ARHGAP32: variants seen among roughly 807,000 people sequenced by gnomAD.
The protein encoded by ARHGAP32 is rho GTPase-activating protein 32.
In ARHGAP32, 51 loss-of-function variants were observed where a neutral mutation model predicts 186.5. That is an observed-to-expected ratio of 0.27 (90% CI 0.22 to 0.35). ARHGAP32 has a LOEUF of 0.35. Among genes scored for constraint, ARHGAP32 ranks in the 10% least tolerant of loss-of-function variants. The pLI is 1.00. For synonymous variants in ARHGAP32, 950 were observed against 964.3 expected (o/e 0.99, Z 0.27); for missense variants, 2,186 against 2,623.5 (o/e 0.83, Z 3.64).
chr11:129,127,083 C>T lies in ARHGAP32; in HGVS notation c.226-2189G>A, dbSNP rs115521425. The stretch of plus-strand genomic sequence containing the variant: ...GGTAGACTGGAAATTGAAACGTTAG[C>T]TTTCTTTTGAAAACAAGCTCTTTGT... On this transcript the variant is annotated intron_variant, in intron 2 of 22. Coordinates refer to ENST00000682385, the MANE Select transcript of ARHGAP32 (RefSeq NM_001378024.1). Among the ~76,000 whole-genome samples the T allele has an allele frequency of 2.8e-3, 421 of 152,270 alleles. 3 individuals are homozygous for T. Among genetic ancestry groups the T allele is most frequent in the African/African-American group, 9.7e-3 (403 of 41,558 alleles).
chr11:129,106,491 G>A (rs1942051826), intron 5 of ARHGAP32, among the ~76,000 whole-genome samples: 1 of 151,936 alleles, frequency 6.6e-6, no homozygotes, highest in East Asian at 1.9e-4. Flanking sequence ...CGGAAATAAA[G>A]ATGGTAACAA....
chr11:129,195,515 C>T (rs980358873), upstream of ARHGAP32, among the ~76,000 whole-genome samples: 3 of 151,860 alleles, frequency 2.0e-5, no homozygotes, highest in African/African-American at 2.4e-5. Flanking sequence ...CTCAGCTTCC[C>T]GAGTAGCTGG....
intron 6 of ARHGAP32, among the ~76,000 whole-genome samples, chr11:129,092,436 T>C (rs960554416): frequency 1.3e-5 from 2 of 151,992 alleles, no homozygotes; most frequent in African/African-American, 4.8e-5. Context: ...AGTAATCACT[T>C]ATCATAAATG....
At chr11:129,038,476 T>C (rs1051603796) in intron 11 of ARHGAP32, among the ~76,000 whole-genome samples, 3 of 152,106 alleles carry the variant, frequency 2.0e-5, no homozygotes, top group East Asian at 3.9e-4. Context: ...TAAAAACTTG[T>C]ATGCATCAAT....
rs1383361366 is a variant in ARHGAP32, at chr11:128,970,570, T to C, written c.4643A>G (p.Tyr1548Cys). 1 of 1,614,178 alleles carries C rather than the reference T, an allele frequency of 6.2e-7. No homozygotes were observed. Among genetic ancestry groups the C allele is most frequent in the Admixed American group, 1.7e-5 (1 of 60,024 alleles). Reference sequence around the variant, plus strand: ...TCTTCCTGGGGCCACATATGTGTTATAACGAAGACCCATGGAGGCTGGTGG... The same window carrying C: ...TCTTCCTGGGGCCACATATGTGTTACAACGAAGACCCATGGAGGCTGGTGG... The part of the protein sequence containing the change: ...SEPPASMGLR[Y>C]NTYVAPGRNA... The change falls in exon 23 of 23, where the codon TAT (tyrosine) becomes TGT (cysteine). Residue 1548 changes from tyrosine to cysteine, a missense_variant. Tyr to Cys is a radical substitution (Grantham distance 194). Coordinates refer to ENST00000682385, the MANE Select transcript of ARHGAP32 (RefSeq NM_001378024.1). The surrounding 1 kb of genome is among the most constrained non-coding windows in gnomAD (Gnocchi z 5.8).
At chr11:129,247,839 G>C (rs1396128632) in intron 1 of ARHGAP32, among the ~76,000 whole-genome samples, 2 of 152,136 alleles carry the variant, frequency 1.3e-5, no homozygotes, top group Non-Finnish European at 2.9e-5. Flanking sequence ...GCAATGGGCT[G>C]ATCCCTCTAT....
chr11:128,986,668 G>A lies in ARHGAP32; in HGVS notation c.1299C>T (p.Arg433=), dbSNP rs142881922. The part of the protein sequence containing the change: ...SGVASNIQRL[R]HEFDSEHVPD... ...GGACGTGCTCAGAGTCAAATTCATG[G>A]CTGACGTAGACAGAAGAGGACAAGC... Residue 433 remains arginine (R), a splice_region_variant and synonymous_variant, in exon 14 of 23, where the codon CGC becomes CGT. Transcript: ENST00000682385. 190 of 1,613,728 alleles carry A rather than the reference G, an allele frequency of 1.2e-4. No individual in the cohort carries two copies. In the African/African-American group the frequency reaches 2.4e-3, roughly 20 times the overall value.
At chr11:129,144,580 A>T (rs1943129989) in intron 2 of ARHGAP32, among the ~76,000 whole-genome samples, 1 of 152,188 alleles carries the variant, frequency 6.6e-6, no homozygotes, top group African/African-American at 2.4e-5. Flanking sequence ...TAGCACCACC[A>T]ATGTGGAAGT....
At chr11:129,254,719 G>C in intron 1 of ARHGAP32, among the ~76,000 whole-genome samples, 1 of 151,970 alleles carries the variant, frequency 6.6e-6, no homozygotes, top group East Asian at 1.9e-4. Flanking sequence ...TACGGAGCTG[G>C]TCATAATGAT....
At chr11:129,085,612 T>C (rs1941364620) in intron 6 of ARHGAP32, among the ~76,000 whole-genome samples, 1 of 152,052 alleles carries the variant, frequency 6.6e-6, no homozygotes, top group African/African-American at 2.4e-5. Context: ...TCTAAAGTAT[T>C]ATGGAGAAGC....
rs1410345136 is a variant in ARHGAP32, at chr11:128,965,147, G to C, written c.*3760C>G. The stretch of plus-strand genomic sequence containing the variant: ...AAACCACAAGATATCTCCATCTCCA[G>C]GTACAAAAATCCCTTCCTCCCTCCC... On this transcript the variant is annotated 3_prime_UTR_variant, in exon 23 of 23. Transcript: ENST00000682385. 6.6e-6 allele frequency: 1 copy of C among 151,886 alleles called. No individual in the cohort carries two copies. Among genetic ancestry groups the C allele is most frequent in the African/African-American group, 2.4e-5 (1 of 41,322 alleles). 9.4% of individuals were successfully genotyped at this position (151,886 alleles called of 1,614,324 possible). A position where few individuals can be genotyped will look rare whatever the true frequency, so the allele number is the denominator to read the frequency against.
At chr11:129,053,873 T>C (rs1940149977) in intron 10 of ARHGAP32, among the ~76,000 whole-genome samples, 1 of 152,160 alleles carries the variant, frequency 6.6e-6, no homozygotes, top group Admixed American at 6.6e-5. Context: ...CTATTTGATT[T>C]TGAATAATGA....
intron 5 of ARHGAP32, among the ~76,000 whole-genome samples, chr11:129,102,507 C>T (rs541698401): frequency 6.6e-6 from 1 of 152,060 alleles, no homozygotes; most frequent in Admixed American, 6.5e-5. Context: ...ACTTCTATCA[C>T]CTAACAACAA....
At chr11:129,139,470 T>A (rs543633284) in intron 2 of ARHGAP32, among the ~76,000 whole-genome samples, 3 of 152,300 alleles carry the variant, frequency 2.0e-5, no homozygotes, top group Non-Finnish European at 4.4e-5. Context: ...TCAATTGATA[T>A]CGTTTGACTG....
intron 10 of ARHGAP32, among the ~76,000 whole-genome samples, chr11:129,041,788 A>C (rs1939603754): frequency 1.3e-5 from 2 of 152,252 alleles, no homozygotes; most frequent in Admixed American, 1.3e-4. Flanking sequence ...AAATACCGAG[A>C]TAAACAGCCT....
intron 2 of ARHGAP32, among the ~76,000 whole-genome samples, chr11:129,159,675 T>C (rs763579504): frequency 4.2e-4 from 64 of 151,834 alleles, no homozygotes; most frequent in Non-Finnish European, 7.8e-4. Context: ...CTTCTGAAAC[T>C]ACTCCAAACA....
intron 1 of ARHGAP32, among the ~76,000 whole-genome samples, chr11:129,246,099 T>C (rs1201439332): frequency 6.6e-6 from 1 of 152,182 alleles, no homozygotes; most frequent in Non-Finnish European, 1.5e-5. Flanking sequence ...TGGGAATAAA[T>C]CAATAAAATA....
chr11:129,238,486 T>C (rs1841606576), intron 1 of ARHGAP32, among the ~76,000 whole-genome samples: 1 of 152,190 alleles, frequency 6.6e-6, no homozygotes, highest in African/African-American at 2.4e-5. Flanking sequence ...CAGCCTCCAC[T>C]ACCACCACAC....
At chr11:129,148,766 A>G (rs1943225096) in intron 2 of ARHGAP32, among the ~76,000 whole-genome samples, 1 of 152,184 alleles carries the variant, frequency 6.6e-6, no homozygotes, top group African/African-American at 2.4e-5. Flanking sequence ...GGGGCACTGC[A>G]GGAGCCAGGC....
Sources: gnomAD v4.1 joint callset for allele counts (sites outside exome capture counted in the v4.1 genomes callset) on GRCh38, gnomAD v4.1.1 for gene constraint, Gnocchi (gnomAD v3.1) non-coding constraint, MANE v1.5 for transcripts, NCBI Gene and HGNC (gene_info 2026-07-23, HGNC 2026-07-21) for gene names.